The following MYO5A variants were observed in gnomAD, a reference collection of about 807,000 sequenced individuals.
MYO5A encodes myosin VA, also known as unconventional myosin-Va.
Under a neutral mutation model 249.7 loss-of-function variants are expected in MYO5A, and 98 were observed. The observed-to-expected ratio is 0.39, with a 90% CI of 0.33 to 0.46. The LOEUF is 0.46. Among genes scored for constraint, MYO5A ranks in the 20% least tolerant of loss-of-function variants. MYO5A has a pLI of 0.98. For missense variants in MYO5A, 1,696 were observed against 2,308.8 expected (o/e 0.73, Z 5.44); for synonymous variants, 778 against 810.6 (o/e 0.96, Z 0.68).
intron 23 of MYO5A, among the ~76,000 whole-genome samples, 164 bp from the exon 24 acceptor site, chr15:52,364,866 C>G (rs1427999204): frequency 6.6e-6 from 1 of 151,946 alleles, no homozygotes; most frequent in Non-Finnish European, 1.5e-5. Flanking sequence ...AAAAAATGAC[C>G]AAAAAATGAA....
At position 52,528,775 on chromosome 15, in the gene MYO5A, C is replaced by T. The variant is rs1297076236; in HGVS notation, c.27+5G>A. ...GTCCTCGACGCCGGCCGCGGGGTGC[C>T]TTACCTTTGTGTAGAGCTCCGACGC... is the stretch of plus-strand genomic sequence containing the variant. On this transcript the variant is annotated splice_donor_5th_base_variant and intron_variant, in intron 1 of 41. Coordinates refer to ENST00000399233, the MANE Select transcript of MYO5A (RefSeq NM_001382347.1). 2.7e-6 allele frequency: 4 copies of T among 1,507,910 alleles called. No homozygotes were observed. The highest frequency in any genetic ancestry group is 2.9e-5 in the African/African-American group (2 of 69,152). The allele number at this position is 1,507,910 out of a possible 1,614,324, so 93.4% of individuals were successfully genotyped here.
At chr15:52,487,252 C>CA (rs1334329300) in intron 1 of MYO5A, among the ~76,000 whole-genome samples, 3 of 151,492 alleles carry the variant, frequency 2.0e-5, no homozygotes, top group Non-Finnish European at 4.4e-5. Context: ...CTTGTTTCTA[C>CA]AAAAAATAAA....
At chr15:52,383,239 G>A in intron 15 of MYO5A, 51 bp from the exon 16 acceptor site, 1 of 1,438,214 alleles carries the variant, frequency 7.0e-7, no homozygotes, top group South Asian at 1.1e-5. Context: ...CAAAGTCAAA[G>A]GTGAGGTAAA....
intron 9 of MYO5A, among the ~76,000 whole-genome samples, chr15:52,400,190 C>G (rs2042687008): frequency 6.6e-6 from 1 of 152,048 alleles, no homozygotes; most frequent in Non-Finnish European, 1.5e-5. Flanking sequence ...ATTTTCCTCT[C>G]TACTAGTTTG....
At chr15:52,393,683 G>A (rs2042360528) in intron 11 of MYO5A, among the ~76,000 whole-genome samples, 1 of 152,120 alleles carries the variant, frequency 6.6e-6, no homozygotes, top group East Asian at 1.9e-4. Flanking sequence ...GTGAGCCACC[G>A]CGCCTGGCCT....
At chr15:52,446,612 C>G (rs969436469) in intron 1 of MYO5A, among the ~76,000 whole-genome samples, 1 of 152,158 alleles carries the variant, frequency 6.6e-6, no homozygotes, top group Non-Finnish European at 1.5e-5. Context: ...ATCCCAGAAT[C>G]GTAAATCCAC....
chr15:52,478,697 A>C (rs1395726329), intron 1 of MYO5A, among the ~76,000 whole-genome samples: 1 of 152,250 alleles, frequency 6.6e-6, no homozygotes, highest in Non-Finnish European at 1.5e-5. Flanking sequence ...TGCACTAAAC[A>C]CAATGAAAAA....
chr15:52,339,200 C>T (rs185593814), intron 32 of MYO5A, among the ~76,000 whole-genome samples: 160 of 152,114 alleles, frequency 1.1e-3, no homozygotes, highest in African/African-American at 3.8e-3. Context: ...ATAAATGACA[C>T]TAGAAAACTG....
intron 18 of MYO5A, 77 bp from the exon 19 acceptor site, chr15:52,376,635 A>T (rs1049813915): frequency 7.3e-7 from 1 of 1,367,540 alleles, no homozygotes; most frequent in African/African-American, 1.4e-5. Context: ...GTCTAAAAGC[A>T]GAATCAGTAA....
intron 21 of MYO5A, among the ~76,000 whole-genome samples, chr15:52,371,541 C>T (rs1337965771): frequency 6.6e-6 from 1 of 152,076 alleles, no homozygotes; most frequent in Admixed American, 6.5e-5. Flanking sequence ...AAGTAACATA[C>T]AATATGACTC....
At chr15:52,390,707 A>G (rs2042193147) in intron 12 of MYO5A, among the ~76,000 whole-genome samples, 1 of 151,784 alleles carries the variant, frequency 6.6e-6, no homozygotes, top group African/African-American at 2.4e-5. Flanking sequence ...CTACAGGTGC[A>G]CACCACCATG....
intron 1 of MYO5A, among the ~76,000 whole-genome samples, chr15:52,491,782 A>C (rs2076940969): frequency 6.6e-6 from 1 of 152,252 alleles, no homozygotes; most frequent in Non-Finnish European, 1.5e-5. Context: ...CGAAGCATCT[A>C]GATCCAACTA....
rs139539878 is a variant in MYO5A, at chr15:52,434,654, G to C, written c.28-1369C>G. Among the ~76,000 whole-genome samples, 94 of 152,244 alleles carry C rather than the reference G, an allele frequency of 6.2e-4. 1 individual carries two copies. Among genetic ancestry groups the C allele is most frequent in the African/African-American group, 2.1e-3 (89 of 41,554 alleles). ...TTATGTGGTCAATTTTGAAGAAAAA[G>C]AACAAAATATACTAACATGCACAAA... is the stretch of plus-strand genomic sequence containing the variant. On this transcript the variant is annotated intron_variant, in intron 1 of 41. Transcript: ENST00000399233.
intron 1 of MYO5A, among the ~76,000 whole-genome samples, chr15:52,444,288 A>G (rs1398742525): frequency 3.3e-5 from 5 of 152,198 alleles, no homozygotes; most frequent in Non-Finnish European, 7.4e-5. Context: ...ATCTATAATT[A>G]GCTGGTGGTA....
At position 52,308,704 on chromosome 15, in the gene MYO5A, G is replaced by A. The variant is rs74567183; in HGVS notation, c.*4992C>T. 6,923 of 152,720 alleles carry A rather than the reference G, an allele frequency of 0.045. 548 individuals carry two copies. Among genetic ancestry groups the A allele is most frequent in the African/African-American group, 0.16 (6,586 of 41,504 alleles). 9.5% of individuals were successfully genotyped at this position (152,720 alleles called of 1,614,324 possible). The stretch of plus-strand genomic sequence containing the variant: ...GGAGGGTCATGCAGGGCCACATCCA[G>A]TCAAAACTCTCACAAAACCTTGAGA... On this transcript the variant is annotated 3_prime_UTR_variant, in exon 42 of 42. Transcript: ENST00000399233.
At chr15:52,384,087 T>A in intron 15 of MYO5A, 74 bp downstream of exon 15, 1 of 1,586,568 alleles carries the variant, frequency 6.3e-7, no homozygotes, top group Non-Finnish European at 8.6e-7. Flanking sequence ...CCTGGGAGGC[T>A]GAAGAGGGAA....
At chr15:52,442,057 G>C (rs60956023) in intron 1 of MYO5A, among the ~76,000 whole-genome samples, 1 of 152,154 alleles carries the variant, frequency 6.6e-6, no homozygotes, top group Non-Finnish European at 1.5e-5. Flanking sequence ...GAAGGAAAAA[G>C]AGCTAGGCAT....
intron 11 of MYO5A, among the ~76,000 whole-genome samples, chr15:52,394,555 G>A (rs1272417353): frequency 6.6e-6 from 1 of 152,206 alleles, no homozygotes; most frequent in Non-Finnish European, 1.5e-5. Flanking sequence ...AGGGGGCAGA[G>A]CAGTTGTGCA....
At chr15:52,359,452 G>T (rs567310807) in intron 25 of MYO5A, among the ~76,000 whole-genome samples, 2 of 152,184 alleles carry the variant, frequency 1.3e-5, no homozygotes, top group African/African-American at 4.8e-5. Context: ...TATTTTCCAT[G>T]CATTTTGTAG....
Sources: gnomAD v4.1 joint callset for allele counts (sites outside exome capture counted in the v4.1 genomes callset) on GRCh38, gnomAD v4.1.1 for gene constraint, MANE v1.5 for transcripts, NCBI Gene and HGNC (gene_info 2026-07-23, HGNC 2026-07-21) for gene names.